ADAMTS20: variants seen among roughly 807,000 people sequenced by gnomAD.
The protein encoded by ADAMTS20 is A disintegrin and metalloproteinase with thrombospondin motifs 20.
A neutral mutation model predicts 260.1 loss-of-function variants in ADAMTS20; 225 were observed. The ratio of observed to expected loss-of-function variants is 0.87; its 90% CI spans 0.78 to 0.97. The LOEUF (loss-of-function observed/expected upper bound fraction) is 0.97. Among genes scored for constraint, ADAMTS20 ranks in the 50% least tolerant of loss-of-function variants. The pLI, the probability that ADAMTS20 is intolerant of heterozygous loss-of-function variation, is 0.00. For missense variants in ADAMTS20, 2,400 were observed against 2,337.7 expected (o/e 1.03, Z -0.55); for synonymous variants, 802 against 769.5 (o/e 1.04, Z -0.70).
chr12:43,507,006 A>G (rs966630586), intron 3 of ADAMTS20, among the ~76,000 whole-genome samples: 1 of 151,144 alleles, frequency 6.6e-6, no homozygotes, highest in Non-Finnish European at 1.5e-5. Context: ...TAGTTATAAG[A>G]TGAATAATGT....
chr12:43,417,179 A>G (rs181841855), intron 28 of ADAMTS20, among the ~76,000 whole-genome samples: 1 of 152,118 alleles, frequency 6.6e-6, no homozygotes, highest in Non-Finnish European at 1.5e-5. Flanking sequence ...CTGGCAGTGC[A>G]GTGGCCATGA....
At chr12:43,401,891 C>T (rs1940817663) in intron 28 of ADAMTS20, among the ~76,000 whole-genome samples, 1 of 151,798 alleles carries the variant, frequency 6.6e-6, no homozygotes, top group African/African-American at 2.4e-5. Context: ...CAAACCTTTG[C>T]TCTCTTTAAG....
intron 3 of ADAMTS20, among the ~76,000 whole-genome samples, 180 bp from the exon 4 acceptor site, chr12:43,502,585 CT>C (rs1185241941): frequency 6.6e-6 from 1 of 151,986 alleles, no homozygotes; most frequent in Non-Finnish European, 1.5e-5. Context: ...ATGAAGATTG[CT>C]TTTTATAGTA....
At chr12:43,358,559 A>C (rs7963165) in intron 37 of ADAMTS20, among the ~76,000 whole-genome samples, 115,679 of 151,912 alleles carry the variant, frequency 0.76, 45,161 homozygotes, top group East Asian at 1. Flanking sequence ...AGTAATTCGG[A>C]CGGGCGCGGT....
At chr12:43,539,507 A>G (rs1943345480) in intron 2 of ADAMTS20, among the ~76,000 whole-genome samples, 1 of 152,178 alleles carries the variant, frequency 6.6e-6, no homozygotes, top group Admixed American at 6.5e-5. Flanking sequence ...TATTTCTTGG[A>G]TACTTTTCTA....
At position 43,427,378 on chromosome 12, in the gene ADAMTS20, G is replaced by T; in HGVS notation, c.4037C>A (p.Ser1346Tyr). Reference sequence around the variant, plus strand: ...ACATTGCTGTAACTCTGGAGGCTTGGAGGCTGCATCGCAGTAACTAGCACT... The same window carrying T: ...ACATTGCTGTAACTCTGGAGGCTTGTAGGCTGCATCGCAGTAACTAGCACT... ...GQSASYCDAA[S>Y]KPPELQQCGP... The change falls in exon 27 of 39, where the codon TCC becomes TAC. Residue 1346 changes from serine (S) to tyrosine (Y), a missense_variant. By Grantham distance (144) the Ser-to-Tyr change is moderately radical (BLOSUM62 -2). Transcript: ENST00000389420. The T allele has an allele frequency of 6.2e-7, 1 of 1,613,944 alleles. No individual in the cohort carries two copies. The highest frequency in any genetic ancestry group is 8.5e-7 in the Non-Finnish European group (1 of 1,179,870).
chr12:43,401,568 T>C (rs1249560188), intron 28 of ADAMTS20, among the ~76,000 whole-genome samples: 1 of 151,880 alleles, frequency 6.6e-6, no homozygotes, highest in African/African-American at 2.4e-5. Flanking sequence ...AGTCTTCTAC[T>C]CTATAACTTT....
At chr12:43,381,760 A>G in intron 31 of ADAMTS20, among the ~76,000 whole-genome samples, 1 of 145,838 alleles carries the variant, frequency 6.9e-6, no homozygotes, top group Non-Finnish European at 1.5e-5. Context: ...CAGCTTGGGC[A>G]ACAGAACAAG....
At position 43,514,558 on chromosome 12, in the gene ADAMTS20, C is replaced by T. The variant is rs572968813; in HGVS notation, c.614-12153G>A. On this transcript the variant is annotated intron_variant, in intron 3 of 38. Transcript: ENST00000389420. ...GGCCGGTGACAGAGTGAGACTCTAT[C>T]TCAAAAAAAAAAAAAAAAAAAAAAA... 6.0e-4 allele frequency among the ~76,000 whole-genome samples: 47 copies of T among 77,950 alleles called. 1 individual carries two copies. The highest frequency in any genetic ancestry group is 4.4e-3 in the Admixed American group (21 of 4,800). The allele number at this position is 77,950 out of a possible 152,430, so 51.1% of individuals were successfully genotyped here.
In ADAMTS20 at chr12:43,532,121, T is replaced by C. The variant is rs984457975; in HGVS notation, c.528A>G (p.Glu176=). ...TAAGATGTGGCTTGTTGTGACCATCTTCATATTCATTCCCATCTGCCTTCA... is the reference window on the plus strand; with the variant it reads ...TAAGATGTGGCTTGTTGTGACCATCCTCATATTCATTCCCATCTGCCTTCA... ...PIMKADGNEY[E]DGHNKPHLIY... Residue 176 remains glutamate (E), a synonymous_variant, in exon 3 of 39, where the codon GAA becomes GAG. Transcript: ENST00000389420. 1 of 1,612,632 alleles carries C rather than the reference T, an allele frequency of 6.2e-7. No homozygotes were observed. Among genetic ancestry groups the C allele is most frequent in the Non-Finnish European group, 8.5e-7 (1 of 1,179,286 alleles).
intron 3 of ADAMTS20, among the ~76,000 whole-genome samples, chr12:43,531,813 C>T (rs747385771): frequency 5.3e-5 from 8 of 152,056 alleles, no homozygotes; most frequent in Non-Finnish European, 1.0e-4. Context: ...AGTACATGAG[C>T]TAATGCATTT....
At chr12:43,477,286 A>G (rs901607053) in intron 7 of ADAMTS20, among the ~76,000 whole-genome samples, 13 of 152,124 alleles carry the variant, frequency 8.5e-5, no homozygotes, top group African/African-American at 3.1e-4. Flanking sequence ...GTAAGAAATG[A>G]CAGATACTCA....
chr12:43,358,268 CAATT>C (rs1939786105), intron 37 of ADAMTS20, among the ~76,000 whole-genome samples: 1 of 152,132 alleles, frequency 6.6e-6, no homozygotes, highest in African/African-American at 2.4e-5. Context: ...GTCATTAACA[CAATT>C]AGTTGAGTCT....
At chr12:43,549,074 G>C (rs1374482286) in intron 2 of ADAMTS20, among the ~76,000 whole-genome samples, 1 of 151,650 alleles carries the variant, frequency 6.6e-6, no homozygotes, top group Non-Finnish European at 1.5e-5. Flanking sequence ...AAATAATTTT[G>C]TTCTGAATGT....
chr12:43,440,791 A>G (rs1941648691), intron 16 of ADAMTS20, among the ~76,000 whole-genome samples: 1 of 152,176 alleles, frequency 6.6e-6, no homozygotes, highest in Non-Finnish European at 1.5e-5. Context: ...TTATCTTAGA[A>G]AAAAGGTACA....
At chr12:43,420,836 CT>C (rs1565689337) in intron 28 of ADAMTS20, among the ~76,000 whole-genome samples, 1 of 54,446 alleles carries the variant, frequency 1.8e-5, no homozygotes, top group African/African-American at 7.1e-5. Context: ...GAGATGGGGT[CT>C]CGGTCTGTCA....
intron 32 of ADAMTS20, among the ~76,000 whole-genome samples, chr12:43,377,096 C>A (rs145607455): frequency 1.3e-5 from 2 of 152,172 alleles, no homozygotes; most frequent in South Asian, 4.1e-4. Flanking sequence ...ATAAATATTT[C>A]TTAAGCACTT....
At position 43,399,181 on chromosome 12, in the gene ADAMTS20, T is replaced by C. The variant is rs1274591445; in HGVS notation, c.4337A>G (p.Asp1446Gly). ...GTCTTCTAATTTCCTTTGGAATTGGTCAATGCAAAACACTTCACGGTACTT... is the reference window on the plus strand; with the variant it reads ...GTCTTCTAATTTCCTTTGGAATTGGCCAATGCAAAACACTTCACGGTACTT... ...GRKYREVFCI[D>G]QFQRKLEDTN... The change falls in exon 29 of 39, where the codon GAC (aspartate) becomes GGC (glycine). Residue 1446 changes from aspartate to glycine, a missense_variant. Coordinates refer to ENST00000389420, the MANE Select transcript of ADAMTS20 (RefSeq NM_025003.5). The C allele has an allele frequency of 6.3e-7, 1 of 1,581,702 alleles. No homozygotes were observed. Among genetic ancestry groups the C allele is most frequent in the South Asian group, 1.2e-5 (1 of 86,368 alleles).
At chr12:43,506,186 C>T (rs1408449705) in intron 3 of ADAMTS20, among the ~76,000 whole-genome samples, 1 of 151,358 alleles carries the variant, frequency 6.6e-6, no homozygotes, top group Non-Finnish European at 1.5e-5. Context: ...TGACATATGA[C>T]AACATGAATG....
Sources: allele counts gnomAD v4.1 joint callset (sites outside exome capture counted in the v4.1 genomes callset), GRCh38; gene constraint gnomAD v4.1.1; transcripts MANE v1.5; gene names NCBI Gene and HGNC (gene_info 2026-07-23, HGNC 2026-07-21).